MTCH2: variants seen among roughly 807,000 people sequenced by gnomAD.
MTCH2 encodes mitochondrial carrier 2, also known as mitochondrial carrier homolog 2.
A neutral mutation model predicts 50.6 loss-of-function variants in MTCH2; 25 were observed. The observed-to-expected ratio is 0.49, with a 90% CI of 0.36 to 0.69. The LOEUF is 0.69. MTCH2 is among the 30% of genes least tolerant of loss of function. The probability of loss-of-function intolerance (pLI) is 0.00; values close to 1 mark genes in which losing one functional copy is unlikely to be tolerated. For missense variants in MTCH2, 273 were observed against 384.4 expected, an observed-to-expected ratio of 0.71 and a Z score of 2.42; for synonymous variants, 106 against 132.0, an observed-to-expected ratio of 0.80 and a Z score of 1.35.
intron 5 of MTCH2, among the ~76,000 whole-genome samples, chr11:47,633,905 A>C (rs1414522917): frequency 6.6e-6 from 1 of 152,084 alleles, no homozygotes; most frequent in Admixed American, 6.6e-5. Flanking sequence ...CAATTAAGAC[A>C]ATGTGAAGAC....
At chr11:47,634,067 T>C (rs2097306224) in intron 5 of MTCH2, among the ~76,000 whole-genome samples, 2 of 152,138 alleles carry the variant, frequency 1.3e-5, no homozygotes, top group African/African-American at 4.8e-5. Flanking sequence ...ACAAAGGGCC[T>C]GGTCGCTATT....
chr11:47,618,836 A>T lies in MTCH2; in HGVS notation c.909T>A (p.Ile303=), dbSNP rs2097290478. The T allele has an allele frequency of 1.2e-6, 2 of 1,613,314 alleles. No individual in the cohort carries two copies. The highest frequency in any genetic ancestry group is 2.7e-5 in the African/African-American group (2 of 74,956). ...KTYCCDLKML[I] is the part of the protein sequence containing the mutation. ...TCACTGTCCCTGCCCCACATCTTCA[A>T]ATTAACATTTTCAGGTCACAACAAT... Residue 303 remains isoleucine, a synonymous_variant, in exon 13 of 13, where the codon ATT becomes ATA. Transcript: ENST00000302503.
At chr11:47,606,477 T>C in the MTCH2 span, among the ~76,000 whole-genome samples, 1 of 152,182 alleles carries the variant, frequency 6.6e-6, no homozygotes, top group Non-Finnish European at 1.5e-5. Context: ...AATTTTGAAC[T>C]TATCAGAGAG....
intron 1 of MTCH2, among the ~76,000 whole-genome samples, chr11:47,641,887 G>A (rs1022967496): frequency 1.3e-5 from 2 of 151,780 alleles, no homozygotes; most frequent in African/African-American, 4.8e-5. Flanking sequence ...AAAAGCAGTA[G>A]TAACAGTAGC....
chr11:47,604,538 C>G, the MTCH2 span, among the ~76,000 whole-genome samples: 150,370 of 152,340 alleles, frequency 0.99, 74,238 homozygotes, highest in Middle Eastern at 1. Context: ...GGAATTACAT[C>G]TTATTCATTT....
At chr11:47,638,843 C>T in intron 2 of MTCH2, 38 bp from the exon 3 acceptor site, 2 of 1,600,532 alleles carry the variant, frequency 1.2e-6, no homozygotes, top group Non-Finnish European at 8.5e-7. Context: ...AAGTTCTGGT[C>T]AAGAGAAATG....
intron 1 of MTCH2, among the ~76,000 whole-genome samples, chr11:47,640,341 CAAAT>C (rs1389818691): frequency 1.3e-5 from 2 of 152,134 alleles, no homozygotes; most frequent in Non-Finnish European, 2.9e-5. Context: ...AAAACAACAA[CAAAT>C]AAATAAACAA....
At chr11:47,621,383 G>C (rs1218814412) in intron 12 of MTCH2, among the ~76,000 whole-genome samples, 1 of 151,574 alleles carries the variant, frequency 6.6e-6, no homozygotes, top group Non-Finnish European at 1.5e-5. Context: ...ATCATTTTAA[G>C]TGATCCTGTG....
intron 9 of MTCH2, 123 bp from the exon 10 acceptor site, chr11:47,627,250 G>A: frequency 3.1e-6 from 2 of 653,126 alleles, no homozygotes; most frequent in East Asian, 3.3e-5. Flanking sequence ...TGTCACCCAG[G>A]CTGAAGTGCA....
chr11:47,639,114 G>A (rs533713734), intron 1 of MTCH2, 63 bp from the exon 2 acceptor site: 28 of 1,414,660 alleles, frequency 2.0e-5, no homozygotes, highest in Non-Finnish European at 2.6e-5. Flanking sequence ...TTGCTTGCAA[G>A]GTCTTGAATA....
chr11:47,632,898 C>G (rs569508188), intron 5 of MTCH2, among the ~76,000 whole-genome samples: 1 of 150,892 alleles, frequency 6.6e-6, no homozygotes, highest in East Asian at 2.0e-4. Context: ...GATGGGATTT[C>G]GCCATGTTGG....
downstream of MTCH2, among the ~76,000 whole-genome samples, chr11:47,616,766 T>A (rs1444686365): frequency 6.7e-6 from 1 of 150,248 alleles, no homozygotes; most frequent in African/African-American, 2.5e-5. Flanking sequence ...CATTGCAACC[T>A]CCACCTCCTG....
chr11:47,638,803 G>C lies in MTCH2; in HGVS notation c.175C>G (p.Gln59Glu), dbSNP rs1412562521. ...CTCCCATCGATACTGGCAATGTGCT[G>C]AGCTAAGAACACAAGTCAGAGATGT... Reference protein sequence around the residue: ...CQLPGLFSYAQHIASIDGRRG... With the variant: ...CQLPGLFSYAEHIASIDGRRG... The change falls in exon 3 of 13, where the codon CAG becomes GAG. Residue 59 changes from glutamine to glutamate, a missense_variant and splice_region_variant. Gln to Glu is a conservative substitution (Grantham distance 29). This residue lies in a region of MTCH2 where 203 missense variants were observed against 244.3 expected (regional missense o/e 0.83). Coordinates refer to ENST00000302503, the MANE Select transcript of MTCH2 (RefSeq NM_014342.4). The C allele has an allele frequency of 6.2e-7, 1 of 1,613,836 alleles. No homozygotes were observed. The highest frequency in any genetic ancestry group is 1.3e-5 in the African/African-American group (1 of 74,928).
intron 5 of MTCH2, among the ~76,000 whole-genome samples, chr11:47,633,540 T>A (rs1477019126): frequency 1.8e-5 from 1 of 56,324 alleles, no homozygotes; most frequent in African/African-American, 7.5e-5. Flanking sequence ...TTTTTTTTTT[T>A]TTTTTTTTTT....
chr11:47,610,184 T>A, the MTCH2 span, among the ~76,000 whole-genome samples: 7 of 152,118 alleles, frequency 4.6e-5, no homozygotes, highest in African/African-American at 1.7e-4. Context: ...CATGTGCCAG[T>A]CCCTGTTCTA....
chr11:47,632,123 C>T (rs2097303635), intron 5 of MTCH2, among the ~76,000 whole-genome samples: 1 of 151,962 alleles, frequency 6.6e-6, no homozygotes, highest in Non-Finnish European at 1.5e-5. Context: ...TGACATCATT[C>T]TAGATAAATG....
chr11:47,625,125 T>C (rs1421731105), intron 11 of MTCH2, among the ~76,000 whole-genome samples: 1 of 150,880 alleles, frequency 6.6e-6, no homozygotes, highest in African/African-American at 2.4e-5. Context: ...AAACTATAAA[T>C]AATAATAGTA....
intron 5 of MTCH2, among the ~76,000 whole-genome samples, chr11:47,633,692 A>G (rs1053582040): frequency 2.0e-5 from 3 of 150,496 alleles, no homozygotes; most frequent in Non-Finnish European, 3.0e-5. Flanking sequence ...ATGCGCCACC[A>G]TGCCTGGCTA....
chr11:47,607,002 C>A, the MTCH2 span, among the ~76,000 whole-genome samples: 2 of 152,338 alleles, frequency 1.3e-5, no homozygotes, highest in African/African-American at 4.8e-5. Context: ...ACGAGCTCAT[C>A]TAGCAGTCTC....
Sources: allele counts gnomAD v4.1 joint callset (sites outside exome capture counted in the v4.1 genomes callset), GRCh38; gene constraint gnomAD v4.1.1; regional missense constraint gnomAD v4.1.1; transcripts MANE v1.5; gene names NCBI Gene and HGNC (gene_info 2026-07-23, HGNC 2026-07-21).